PTK2B: variants seen among roughly 807,000 people sequenced by gnomAD.
PTK2B encodes protein-tyrosine kinase 2-beta.
PTK2B carries 71 observed loss-of-function variants against 142.9 expected under a neutral mutation model. That is an observed-to-expected ratio of 0.50 (90% CI 0.41 to 0.61). The LOEUF is 0.61. Among genes scored for constraint, PTK2B ranks in the 20% least tolerant of loss-of-function variants. The probability of loss-of-function intolerance (pLI) is 0.00; values close to 1 mark genes in which losing one functional copy is unlikely to be tolerated. For missense variants in PTK2B, 1,105 were observed against 1,320.4 expected (o/e 0.84, Z 2.53); for synonymous variants, 519 against 503.4 (o/e 1.03, Z -0.42).
intron 1 of PTK2B, among the ~76,000 whole-genome samples, chr8:27,376,729 A>G (rs959793997): frequency 6.6e-6 from 1 of 152,230 alleles, no homozygotes; most frequent in Non-Finnish European, 1.5e-5. Context: ...TACAAATGCC[A>G]TAGAAATGTC....
chr8:27,439,053 C>A lies in PTK2B; in HGVS notation c.1666C>A (p.Leu556Met), dbSNP rs759033684. ...VHRDIAVRNI[L>M]VASPECVKLG... is the part of the protein sequence containing the mutation. Reference sequence around the variant, plus strand: ...CAGGGACATTGCTGTCCGGAACATCCTGGTGGCCTCCCCTGAGTGTGTGAA... The same window carrying A: ...CAGGGACATTGCTGTCCGGAACATCATGGTGGCCTCCCCTGAGTGTGTGAA... Residue 556 changes from leucine (L) to methionine (M), a missense_variant, in exon 19 of 31, where the codon CTG becomes ATG. By Grantham distance (15) the Leu-to-Met change is conservative (BLOSUM62 2). Coordinates refer to ENST00000346049, the MANE Select transcript of PTK2B (RefSeq NM_173176.3). The A allele has an allele frequency of 6.2e-7, 1 of 1,614,074 alleles. No individual in the cohort carries two copies. Among genetic ancestry groups the A allele is most frequent in the Admixed American group, 1.7e-5 (1 of 60,020 alleles).
At chr8:27,395,853 G>A (rs1808013710) in intron 1 of PTK2B, among the ~76,000 whole-genome samples, 1 of 152,114 alleles carries the variant, frequency 6.6e-6, no homozygotes, top group South Asian at 2.1e-4. Context: ...ACTTCCCCCT[G>A]GATTCCTTGT....
chr8:27,405,035 C>CTCTCTCTCTCTCT (rs3076735), intron 2 of PTK2B, among the ~76,000 whole-genome samples: 10 of 119,638 alleles, frequency 8.4e-5, no homozygotes, highest in South Asian at 3.1e-4. Context: ...TCTTTCTCTT[C>CTCTCTCTCTCTCT]CTCTCTCTCT....
At chr8:27,452,440 T>A (rs187202693) in intron 27 of PTK2B, 1 of 151,942 alleles carries the variant, frequency 6.6e-6, no homozygotes, top group East Asian at 1.9e-4. Flanking sequence ...TGGTGATGCA[T>A]GCCTGCAAGC....
At chr8:27,382,602 T>C (rs554737132) in intron 1 of PTK2B, among the ~76,000 whole-genome samples, 1 of 152,286 alleles carries the variant, frequency 6.6e-6, no homozygotes, top group South Asian at 2.1e-4. Flanking sequence ...CTGTTACCTG[T>C]GTTTTTGAAG....
At chr8:27,409,602 G>A (rs1335578670) in intron 2 of PTK2B, among the ~76,000 whole-genome samples, 1 of 152,204 alleles carries the variant, frequency 6.6e-6, no homozygotes, top group East Asian at 1.9e-4. Flanking sequence ...GTGTTCATTA[G>A]TTTGGGTCTT....
At chr8:27,397,494 G>A in intron 1 of PTK2B, 54 bp from the exon 2 acceptor site, 3 of 1,351,280 alleles carry the variant, frequency 2.2e-6, no homozygotes, top group Non-Finnish European at 3.2e-6. Context: ...GGGCCATGAG[G>A]TATGTGGGCC....
At chr8:27,433,670 C>A (rs1029015448) in intron 11 of PTK2B, 118 bp downstream of exon 11, 5 of 907,558 alleles carry the variant, frequency 5.5e-6, no homozygotes, top group Non-Finnish European at 6.8e-6. Flanking sequence ...ATTCTTCCCC[C>A]ACAGCCCAGC....
intron 21 of PTK2B, among the ~76,000 whole-genome samples, chr8:27,441,888 G>T (rs995022521): frequency 6.6e-6 from 1 of 151,880 alleles, no homozygotes; most frequent in Non-Finnish European, 1.5e-5. Flanking sequence ...GCTGAGAGGT[G>T]TTCCCATCAT....
chr8:27,438,922 C>A, intron 18 of PTK2B, 109 bp from the exon 19 acceptor site: 1 of 1,035,810 alleles, frequency 9.7e-7, no homozygotes. Context: ...GAGTCCGAGT[C>A]CCTGGCTTAG....
At chr8:27,404,233 T>C (rs999302516) in intron 2 of PTK2B, among the ~76,000 whole-genome samples, 6 of 152,172 alleles carry the variant, frequency 3.9e-5, no homozygotes, top group African/African-American at 1.4e-4. Context: ...CTTCCTCCAG[T>C]TGACCCACTC....
intron 1 of PTK2B, among the ~76,000 whole-genome samples, chr8:27,328,290 A>G (rs1439585565): frequency 3.9e-5 from 6 of 152,234 alleles, no homozygotes; most frequent in Non-Finnish European, 5.9e-5. Context: ...CATGATTCCC[A>G]GTTTTAGGAT....
chr8:27,332,818 G>T (rs1328558624), intron 1 of PTK2B, among the ~76,000 whole-genome samples: 2 of 152,180 alleles, frequency 1.3e-5, no homozygotes, highest in Non-Finnish European at 2.9e-5. Flanking sequence ...CTGGGCTCAA[G>T]CAATTCTGCT....
At chr8:27,324,332 TG>T (rs920785822), upstream of PTK2B, among the ~76,000 whole-genome samples, 2 of 151,752 alleles carry the variant, frequency 1.3e-5, no homozygotes, top group African/African-American at 4.8e-5. Context: ...TGGGAAGGGG[TG>T]GGGGGGCTCC....
intron 1 of PTK2B, among the ~76,000 whole-genome samples, chr8:27,394,028 A>G (rs1807888923): frequency 6.6e-6 from 1 of 152,200 alleles, no homozygotes; most frequent in Non-Finnish European, 1.5e-5. Context: ...CAGAGTACTT[A>G]GAGAAACCCA....
In PTK2B at chr8:27,437,145, T is replaced by C. The variant is rs1344952540; in HGVS notation, c.1365T>C (p.Ala455=). The C allele has an allele frequency of 1.2e-6, 2 of 1,613,850 alleles. No individual in the cohort carries two copies. Among genetic ancestry groups the C allele is most frequent in the Admixed American group, 3.3e-5 (2 of 59,990 alleles). The change falls in exon 16 of 31, where the codon GCT becomes GCC. Residue 455 remains alanine, a synonymous_variant. Coordinates refer to ENST00000346049, the MANE Select transcript of PTK2B (RefSeq NM_173176.3). The part of the protein sequence containing the change: ...TNHKGEKINV[A]VKTCKKDCTL... ...AGAAAGGGGAGAAAATCAATGTAGC[T>C]GTCAAGACCTGCAAGAAAGACTGCA...
chr8:27,457,162 C>G (rs1812187357), intron 30 of PTK2B, among the ~76,000 whole-genome samples: 1 of 152,198 alleles, frequency 6.6e-6, no homozygotes, highest in African/African-American at 2.4e-5. Flanking sequence ...ACTTTCATAG[C>G]TAGAGGAGAA....
chr8:27,439,685 T>G (rs11995441), intron 20 of PTK2B, among the ~76,000 whole-genome samples: 1 of 151,810 alleles, frequency 6.6e-6, no homozygotes, highest in Non-Finnish European at 1.5e-5. Context: ...GACGAAACTC[T>G]GTGACTTATT....
At chr8:27,386,735 G>C (rs1382662347) in intron 1 of PTK2B, among the ~76,000 whole-genome samples, 1 of 152,306 alleles carries the variant, frequency 6.6e-6, no homozygotes, top group South Asian at 2.1e-4. Flanking sequence ...TACTAGGTTT[G>C]CAAAGAGTGG....
Sources: allele counts gnomAD v4.1 joint callset (sites outside exome capture counted in the v4.1 genomes callset), GRCh38; gene constraint gnomAD v4.1.1; transcripts MANE v1.5; gene names NCBI Gene and HGNC (gene_info 2026-07-23, HGNC 2026-07-21).